EMB: variants seen among roughly 807,000 people sequenced by gnomAD.
The protein encoded by EMB is embigin, also known as embigin homolog.
A neutral mutation model predicts 41.4 loss-of-function variants in EMB; 31 were observed. The observed-to-expected ratio is 0.75, with a 90% confidence interval of 0.56 to 1.01. The LOEUF is 1.01. Ranked by LOEUF, EMB falls within the 50% of genes least tolerant of loss-of-function variation. EMB has a pLI of 0.00. For missense variants in EMB, 379 were observed against 388.3 expected (o/e 0.98, Z 0.20); for synonymous variants, 137 against 140.4 (o/e 0.98, Z 0.17).
intron 1 of EMB, among the ~76,000 whole-genome samples, chr5:50,437,278 AAATGAATG>A (rs746741610): frequency 6.6e-6 from 1 of 152,136 alleles, no homozygotes; most frequent in Non-Finnish European, 1.5e-5. Flanking sequence ...CTCAAAAATT[AAATGAATG>A]AATGAATGAA....
chr5:50,414,755 G>A (rs878979992), intron 2 of EMB, among the ~76,000 whole-genome samples: 2 of 152,108 alleles, frequency 1.3e-5, no homozygotes, highest in African/African-American at 4.8e-5. Context: ...GATGTCTCTA[G>A]AATACATATA....
intron 6 of EMB, among the ~76,000 whole-genome samples, chr5:50,402,741 A>AT (rs529353602): frequency 6.6e-6 from 1 of 151,834 alleles, no homozygotes; most frequent in South Asian, 2.1e-4. Flanking sequence ...TTAATAAAAT[A>AT]TTTTTTTAAA....
intron 2 of EMB, among the ~76,000 whole-genome samples, chr5:50,426,438 G>T (rs1040571368): frequency 6.6e-6 from 1 of 152,178 alleles, no homozygotes; most frequent in African/African-American, 2.4e-5. Flanking sequence ...AAGCTTTTAT[G>T]AATCAAAAGC....
intron 1 of EMB, among the ~76,000 whole-genome samples, chr5:50,436,626 G>A (rs919714278): frequency 1.3e-5 from 2 of 152,212 alleles, no homozygotes; most frequent in Non-Finnish European, 2.9e-5. Context: ...CTGGGATCCT[G>A]TGTCAAGCTG....
Position 50,418,289 on chromosome 5 carries a change from C to G in EMB, c.197-6906G>C, listed in dbSNP as rs542180699. The stretch of plus-strand genomic sequence containing the variant: ...TAATTAACATGAAGTTAATCCAACA[C>G]TATAGTGGGGACCACTGATCATATT... On this transcript the variant is annotated intron_variant, in intron 2 of 8. Transcript: ENST00000303221. Among the ~76,000 whole-genome samples the G allele has an allele frequency of 1.3e-3, 196 of 152,346 alleles. 1 individual carries two copies. The highest frequency in any genetic ancestry group is 4.7e-3 in the African/African-American group (195 of 41,584).
Position 50,399,351 on chromosome 5 carries a change from T to C in EMB, c.967-61A>G, listed in dbSNP as rs1478930420. ...ATGTTCTGGTTATTTTATAGTAACT[T>C]ACTATCACTTTAGCAAAGCAAAAAA... On this transcript the variant is annotated intron_variant, in intron 8 of 8. Coordinates refer to ENST00000303221, the MANE Select transcript of EMB (RefSeq NM_198449.3). 3.1e-6 allele frequency: 5 copies of C among 1,594,434 alleles called. No individual in the cohort carries two copies. The Admixed American group carries it at 5.2e-5, about 16-fold the overall frequency.
chr5:50,438,227 C>A (rs1283706259), intron 1 of EMB, among the ~76,000 whole-genome samples: 3 of 152,142 alleles, frequency 2.0e-5, no homozygotes, highest in Non-Finnish European at 4.4e-5. Context: ...ATTACTTGGG[C>A]AATTAAGCAA....
chr5:50,423,871 A>C (rs1179572737), intron 2 of EMB, among the ~76,000 whole-genome samples: 1 of 152,208 alleles, frequency 6.6e-6, no homozygotes, highest in African/African-American at 2.4e-5. Context: ...AACTGGCAGG[A>C]AACACTGGGA....
chr5:50,431,431 C>A (rs539415026), intron 1 of EMB, among the ~76,000 whole-genome samples: 1 of 152,250 alleles, frequency 6.6e-6, no homozygotes, highest in Admixed American at 6.5e-5. Flanking sequence ...GAGACTCAGG[C>A]AGATGTGGTT....
chr5:50,407,590 T>C (rs1435852877), intron 4 of EMB, among the ~76,000 whole-genome samples: 2 of 152,048 alleles, frequency 1.3e-5, no homozygotes, highest in Non-Finnish European at 2.9e-5. Context: ...TGTTCTGCTA[T>C]ATATGGCTAA....
chr5:50,407,956 T>A (rs1179447106), intron 4 of EMB, among the ~76,000 whole-genome samples: 1 of 151,972 alleles, frequency 6.6e-6, no homozygotes, highest in East Asian at 1.9e-4. Context: ...TTGGCCTAAA[T>A]GTCATATTGG....
rs185131974 is a variant in EMB, at chr5:50,427,045, T to C, written c.196+1099A>G. 3.2e-4 allele frequency among the ~76,000 whole-genome samples: 48 copies of C among 152,306 alleles called. 1 individual carries two copies. The East Asian group carries it at 6.9e-3, about 22-fold the overall frequency. On this transcript the variant is annotated intron_variant, in intron 2 of 8. Transcript: ENST00000303221. ...AACCACCATGACTCTAAGACTAATT[T>C]ACCCACCACCATCACTCACCAGTCA...
intron 1 of EMB, among the ~76,000 whole-genome samples, chr5:50,437,126 C>A (rs1166238370): frequency 5.3e-5 from 8 of 151,984 alleles, no homozygotes; most frequent in African/African-American, 1.9e-4. Flanking sequence ...CAAAAATTAG[C>A]CGGGTGTGGT....
chr5:50,442,947 C>T (rs1390881631), upstream of EMB: 3 of 152,160 alleles, frequency 2.0e-5, no homozygotes, highest in South Asian at 2.1e-4. Context: ...GAAAAACTTA[C>T]TTACCCAAGT....
In EMB at chr5:50,414,528, CAAAAAAAAAAAAAAAA is replaced by C. The variant is rs34645448; in HGVS notation, c.197-3161_197-3146del. Reference sequence around the variant, plus strand: ...TGATAAAGCAGGGCCCTGTCTCAGGCAAAAAAAAAAAAAAAAAAAAAAAAAAAATTCTATCACTTTT... The same window carrying C: ...TGATAAAGCAGGGCCCTGTCTCAGGCAAAAAAAAAAAATTCTATCACTTTT... On this transcript the variant is annotated intron_variant, in intron 2 of 8. Transcript: ENST00000303221. Among the ~76,000 whole-genome samples, 8 of 46,692 alleles carry C rather than the reference CAAAAAAAAAAAAAAAA, an allele frequency of 1.7e-4. 1 individual carries two copies. Among genetic ancestry groups the C allele is most frequent in the African/African-American group, 7.6e-5 (1 of 13,088 alleles). 30.6% of individuals were successfully genotyped at this position (46,692 alleles called of 152,430 possible). A position where few individuals can be genotyped will look rare whatever the true frequency, so the allele number is the denominator to read the frequency against.
upstream of EMB, chr5:50,443,194 C>CA (rs1745944394): frequency 6.6e-6 from 1 of 152,144 alleles, no homozygotes; most frequent in Non-Finnish European, 1.5e-5. Flanking sequence ...ATTCACCTTT[C>CA]AAAATTCATC....
At chr5:50,440,897 G>A in intron 1 of EMB, 143 bp downstream of exon 1, 1 of 487,588 alleles carries the variant, frequency 2.1e-6, no homozygotes, top group Non-Finnish European at 3.3e-6. Flanking sequence ...GGCCGCCGCC[G>A]ACTCTCCCAC....
intron 2 of EMB, among the ~76,000 whole-genome samples, chr5:50,415,305 T>A (rs191598078): frequency 6.6e-6 from 1 of 152,116 alleles, no homozygotes. Context: ...GTTGGAGCAA[T>A]TTAAGCAAAA....
intron 2 of EMB, among the ~76,000 whole-genome samples, chr5:50,418,327 G>A (rs191761232): frequency 1.8e-3 from 273 of 152,322 alleles, no homozygotes; most frequent in African/African-American, 6.3e-3. Context: ...TGGACAACCA[G>A]AATCCGAACA....
Sources: gnomAD v4.1 joint callset for allele counts (sites outside exome capture counted in the v4.1 genomes callset) on GRCh38, gnomAD v4.1.1 for gene constraint, MANE v1.5 for transcripts, NCBI Gene and HGNC (gene_info 2026-07-23, HGNC 2026-07-21) for gene names.